Variants in ADAM32 observed in about 807,000 individuals in gnomAD.
ADAM32 encodes ADAM metallopeptidase domain 32.
Under a neutral mutation model 114.9 loss-of-function variants are expected in ADAM32, and 89 were observed. That is an observed-to-expected ratio of 0.77 (90% CI 0.65 to 0.92). ADAM32 has a LOEUF of 0.92. ADAM32 is among the 40% of genes least tolerant of loss of function. The pLI, the probability that ADAM32 is intolerant of heterozygous loss-of-function variation, is 0.00. For synonymous variants in ADAM32, 285 were observed against 307.5 expected (o/e 0.93, Z 0.77); for missense variants, 870 against 932.8 (o/e 0.93, Z 0.88).
At chr8:39,202,131 G>A (rs1158807596) in intron 11 of ADAM32, among the ~76,000 whole-genome samples, 1 of 152,202 alleles carries the variant, frequency 6.6e-6, no homozygotes, top group Admixed American at 6.5e-5. Flanking sequence ...TCAGGACGAT[G>A]CTGGCCTCAT....
At chr8:39,164,613 C>A (rs1804713157) in intron 7 of ADAM32, 151 bp from the exon 8 acceptor site, 3 of 526,000 alleles carry the variant, frequency 5.7e-6, no homozygotes, top group East Asian at 6.5e-5. Flanking sequence ...CATGAGGGAT[C>A]CAGTTTATAT....
At chr8:39,275,536 A>C (rs552001494) in intron 21 of ADAM32, among the ~76,000 whole-genome samples, 1 of 152,384 alleles carries the variant, frequency 6.6e-6, no homozygotes, top group Non-Finnish European at 1.5e-5. Context: ...GGCATTTAAA[A>C]TAAAGCATGT....
intron 11 of ADAM32, among the ~76,000 whole-genome samples, chr8:39,207,534 A>G (rs1807928191): frequency 6.6e-6 from 1 of 152,198 alleles, no homozygotes; most frequent in African/African-American, 2.4e-5. Flanking sequence ...ATCACTATAA[A>G]CATTTATCAT....
At chr8:39,197,269 C>T (rs1046032818) in intron 11 of ADAM32, among the ~76,000 whole-genome samples, 17 of 151,692 alleles carry the variant, frequency 1.1e-4, no homozygotes, top group African/African-American at 2.2e-4. Flanking sequence ...ATTTTGTTTA[C>T]GTTTTCCAAA....
intron 10 of ADAM32, 47 bp downstream of exon 10, chr8:39,170,044 T>C: frequency 7.4e-7 from 1 of 1,345,040 alleles, no homozygotes; most frequent in Non-Finnish European, 1.0e-6. Context: ...CGTTTAAAAA[T>C]TATTTGACAT....
chr8:39,208,682 T>C (rs377133378), intron 11 of ADAM32, among the ~76,000 whole-genome samples: 4 of 152,252 alleles, frequency 2.6e-5, no homozygotes, highest in African/African-American at 9.6e-5. Context: ...TGGTTGAAAG[T>C]TTTTTCCTTC....
chr8:39,157,655 T>C, intron 6 of ADAM32: 1 of 674,314 alleles, frequency 1.5e-6, no homozygotes, highest in Middle Eastern at 4.6e-4. Flanking sequence ...GAACTTAAGG[T>C]CAGTCTTCTC....
At chr8:39,244,957 A>T (rs900156959) in intron 16 of ADAM32, among the ~76,000 whole-genome samples, 5 of 152,232 alleles carry the variant, frequency 3.3e-5, no homozygotes, top group African/African-American at 1.2e-4. Context: ...TAAAGAGTTC[A>T]TGAACAAGAA....
intron 16 of ADAM32, among the ~76,000 whole-genome samples, chr8:39,237,803 GT>G: frequency 6.6e-6 from 1 of 152,270 alleles, no homozygotes; most frequent in East Asian, 1.9e-4. Context: ...ACCTGCCCTG[GT>G]AGCTGAAGAC....
chr8:39,157,814 GT>G, intron 6 of ADAM32: 2 of 953,260 alleles, frequency 2.1e-6, no homozygotes, highest in Non-Finnish European at 1.6e-6. Context: ...CTCTTGTCAG[GT>G]TATAGTCAGT....
chr8:39,248,167 T>C (rs575601973), intron 17 of ADAM32, among the ~76,000 whole-genome samples: 1 of 152,310 alleles, frequency 6.6e-6, no homozygotes, highest in South Asian at 2.1e-4. Flanking sequence ...AACTTGACTA[T>C]TCTTGATCTT....
At chr8:39,262,247 T>C (rs148365460) in intron 19 of ADAM32, among the ~76,000 whole-genome samples, 3 of 152,112 alleles carry the variant, frequency 2.0e-5, no homozygotes, top group Non-Finnish European at 2.9e-5. Flanking sequence ...AGGGGTCCAG[T>C]TTCATTCCTA....
chr8:39,211,478 A>G (rs539261488), intron 12 of ADAM32, among the ~76,000 whole-genome samples, 154 bp downstream of exon 12: 2 of 152,354 alleles, frequency 1.3e-5, no homozygotes, highest in South Asian at 4.1e-4. Flanking sequence ...AATACTGTTT[A>G]GATTTTGTAG....
intron 16 of ADAM32, among the ~76,000 whole-genome samples, chr8:39,234,603 G>A (rs1809979005): frequency 6.6e-6 from 1 of 151,570 alleles, no homozygotes; most frequent in Admixed American, 6.6e-5. Flanking sequence ...AAGATTAAAT[G>A]AGATAATATT....
At chr8:39,241,322 C>A (rs889350179) in intron 16 of ADAM32, among the ~76,000 whole-genome samples, 2 of 152,210 alleles carry the variant, frequency 1.3e-5, no homozygotes, top group African/African-American at 4.8e-5. Flanking sequence ...GGTGGATCTA[C>A]CATTCTGGGG....
intron 10 of ADAM32, among the ~76,000 whole-genome samples, chr8:39,186,353 T>A (rs1806244843): frequency 6.6e-6 from 1 of 152,122 alleles, no homozygotes; most frequent in Non-Finnish European, 1.5e-5. Context: ...CGCAAGGAGG[T>A]TATCTGTGTT....
intron 19 of ADAM32, among the ~76,000 whole-genome samples, chr8:39,264,686 G>A (rs1032385165): frequency 2.6e-4 from 39 of 152,094 alleles, no homozygotes; most frequent in African/African-American, 8.5e-4. Context: ...TATGCATTTA[G>A]CACTATAAAC....
At chr8:39,224,459 A>G (rs1809204896) in intron 14 of ADAM32, among the ~76,000 whole-genome samples, 1 of 152,158 alleles carries the variant, frequency 6.6e-6, no homozygotes, top group African/African-American at 2.4e-5. Context: ...TTTTGACAAT[A>G]ATCATTCTAA....
intron 14 of ADAM32, among the ~76,000 whole-genome samples, chr8:39,226,885 T>G (rs1033221262): frequency 4.6e-5 from 7 of 152,148 alleles, no homozygotes; most frequent in Non-Finnish European, 4.4e-5. Flanking sequence ...AATACCGAAA[T>G]GGCGATGTGT....
Sources: gnomAD v4.1 joint callset for allele counts (sites outside exome capture counted in the v4.1 genomes callset) on GRCh38, gnomAD v4.1.1 for gene constraint, MANE v1.5 for transcripts, NCBI Gene and HGNC (gene_info 2026-07-23, HGNC 2026-07-21) for gene names.